PUDP: variants seen among roughly 807,000 people sequenced by gnomAD.
PUDP encodes pseudouridine 5'-phosphatase.
Under a neutral mutation model 9.4 loss-of-function variants are expected in PUDP, and 8 were observed. The observed-to-expected ratio is 0.85, with a 90% CI of 0.50 to 1.53. PUDP has a LOEUF of 1.53. Ranked by LOEUF, PUDP falls within the 40% of genes most tolerant of loss-of-function variation. The pLI is 0.00. For synonymous variants in PUDP, 99 were observed against 80.7 expected (o/e 1.23, Z -1.22); for missense variants, 188 against 189.7 (o/e 0.99, Z 0.05).
chrX:7,140,773 A>C (rs1361766934), intron 1 of PUDP, among the ~76,000 whole-genome samples: 1 of 112,001 alleles, frequency 8.9e-6, no homozygotes, highest in African/African-American at 3.2e-5. Flanking sequence ...TACAAATTCA[A>C]GGTTTTTGGC....
intron 1 of PUDP, among the ~76,000 whole-genome samples, chrX:7,042,269 C>T (rs1412576457): frequency 2.7e-5 from 3 of 110,851 alleles, no homozygotes; most frequent in East Asian, 5.7e-4. Context: ...TCATCTTCTA[C>T]TTCCTGTGTC....
intron 3 of PUDP, among the ~76,000 whole-genome samples, chrX:6,834,004 A>G (rs1487047063): frequency 8.9e-6 from 1 of 112,082 alleles, no homozygotes; most frequent in African/African-American, 3.2e-5. Flanking sequence ...TGTGTGTCCT[A>G]TAATTGTACA....
intron 1 of PUDP, among the ~76,000 whole-genome samples, chrX:7,110,993 G>T (rs1932031757): frequency 8.9e-6 from 1 of 112,000 alleles, no homozygotes; most frequent in African/African-American, 3.2e-5. Flanking sequence ...TGGGCTCAGA[G>T]GCCTGACAAT....
At chrX:6,832,944 T>A (rs1277381611) in intron 3 of PUDP, among the ~76,000 whole-genome samples, 1 of 109,790 alleles carries the variant, frequency 9.1e-6, no homozygotes, top group African/African-American at 3.3e-5. Flanking sequence ...TTTACTGTCA[T>A]CTCAGACTGC....
intron 1 of PUDP, among the ~76,000 whole-genome samples, chrX:7,106,429 T>C (rs772503731): frequency 8.9e-6 from 1 of 112,308 alleles, no homozygotes; most frequent in African/African-American, 3.2e-5. Context: ...CTCAGAAACA[T>C]AGTGAGCCTG....
At chrX:7,003,419 G>T (rs1306370373) in intron 1 of PUDP, among the ~76,000 whole-genome samples, 1 of 111,107 alleles carries the variant, frequency 9.0e-6, no homozygotes, top group Non-Finnish European at 1.9e-5. Context: ...AATGTATTGT[G>T]AGTCCTGATT....
At chrX:6,999,786 T>TA (rs58463620) in intron 1 of PUDP, among the ~76,000 whole-genome samples, 25,537 of 102,774 alleles carry the variant, frequency 0.25, 2,517 homozygotes, top group Admixed American at 0.37. Flanking sequence ...CCTATGAAAA[T>TA]AAAAAATAAT....
chrX:6,911,616 C>T (rs1927850738), intron 3 of PUDP, among the ~76,000 whole-genome samples: 1 of 111,975 alleles, frequency 8.9e-6, no homozygotes, highest in African/African-American at 3.2e-5. Context: ...CTTACCATGC[C>T]TCATGTTGAA....
intron 3 of PUDP, among the ~76,000 whole-genome samples, chrX:6,886,026 G>A (rs897420642): frequency 2.7e-5 from 3 of 111,944 alleles, no homozygotes; most frequent in Non-Finnish European, 5.6e-5. Context: ...TTGTGAAGTG[G>A]AGAAACAGAA....
At chrX:6,723,945 A>AT (rs1187107029), upstream of PUDP, among the ~76,000 whole-genome samples, 4 of 110,961 alleles carry the variant, frequency 3.6e-5, no homozygotes, top group Non-Finnish European at 7.6e-5. Context: ...ACTCAAAAAG[A>AT]TTTTTTTTTA....
chrX:6,746,682 C>T (rs1041527864), intron 3 of PUDP, among the ~76,000 whole-genome samples: 5 of 110,375 alleles, frequency 4.5e-5, no homozygotes, highest in African/African-American at 1.3e-4. Context: ...TTTTTCTGTT[C>T]CTCCGTTAGT....
intron 1 of PUDP, among the ~76,000 whole-genome samples, chrX:6,719,129 A>C (rs1016369067): frequency 7.2e-5 from 8 of 111,325 alleles, no homozygotes; most frequent in African/African-American, 2.3e-4. Flanking sequence ...GGTGACTTAA[A>C]CAACAGAAAT....
intron 3 of PUDP, among the ~76,000 whole-genome samples, chrX:6,906,133 G>A (rs1927762940): frequency 8.9e-6 from 1 of 112,035 alleles, no homozygotes; most frequent in Admixed American, 9.4e-5. Context: ...CCATGGCTCT[G>A]GGGGGCAAGG....
intron 3 of PUDP, among the ~76,000 whole-genome samples, chrX:6,775,975 A>G (rs1306972697): frequency 1.8e-5 from 2 of 111,633 alleles, no homozygotes; most frequent in Non-Finnish European, 3.8e-5. Context: ...GGACTAAGAC[A>G]TATGGTAACT....
intron 3 of PUDP, among the ~76,000 whole-genome samples, chrX:6,971,303 C>A (rs1369904579): frequency 1.8e-5 from 2 of 111,538 alleles, no homozygotes; most frequent in Non-Finnish European, 3.8e-5. Context: ...AGTTTGAAGT[C>A]AGGTAGCGTG....
intron 1 of PUDP, among the ~76,000 whole-genome samples, chrX:6,982,349 G>A (rs1415493704): frequency 1.8e-5 from 2 of 111,465 alleles, no homozygotes; most frequent in Admixed American, 9.5e-5. Context: ...CAATATCCCC[G>A]AAGGCTTGGA....
chrX:6,788,615 G>A (rs1925686516), intron 3 of PUDP, among the ~76,000 whole-genome samples: 1 of 111,701 alleles, frequency 9.0e-6, no homozygotes, highest in Admixed American at 9.5e-5. Flanking sequence ...TGAGGCTGGA[G>A]GATTACTTGA....
intron 3 of PUDP, among the ~76,000 whole-genome samples, chrX:6,816,087 C>A (rs968541701): frequency 9.4e-6 from 1 of 106,306 alleles, no homozygotes; most frequent in Non-Finnish European, 1.9e-5. Flanking sequence ...TATATACTTA[C>A]AATCTGCTGA....
Position 6,920,684 on chromosome X carries a change from G to T in PUDP, c.*247+56449C>A, listed in dbSNP as rs775106822. 4.5e-5 allele frequency among the ~76,000 whole-genome samples: 5 copies of T among 111,389 alleles called. No individual in the cohort carries two copies. In the South Asian group the frequency reaches 1.9e-3, roughly 43 times the overall value. ...TGCTTCAAGTTGTCCCCACCTTTCT[G>T]GACAAAACCAGTGTACTTCTTACAT... is the stretch of plus-strand genomic sequence containing the variant. On this transcript the variant is annotated intron_variant and NMD_transcript_variant, in intron 3 of 3. Transcript: ENST00000655425.
Sources: allele counts gnomAD v4.1 joint callset (sites outside exome capture counted in the v4.1 genomes callset), GRCh38; gene constraint gnomAD v4.1.1; transcripts MANE v1.5; gene names NCBI Gene and HGNC (gene_info 2026-07-23, HGNC 2026-07-21).